Variants in DESI2 observed in about 807,000 individuals in gnomAD.
DESI2 encodes the protein deubiquitinase DESI2.
In DESI2, 10 loss-of-function variants were observed where a neutral mutation model predicts 24.1. The observed-to-expected ratio is 0.41, with a 90% CI of 0.26 to 0.70. DESI2 has a LOEUF of 0.70. Ranked by LOEUF, DESI2 falls within the 30% of genes least tolerant of loss-of-function variation. DESI2 has a pLI of 0.29. For synonymous variants in DESI2, 71 were observed against 87.7 expected (o/e 0.81, Z 1.06); for missense variants, 122 against 234.9 (o/e 0.52, Z 3.14).
intron 1 of DESI2, among the ~76,000 whole-genome samples, chr1:244,686,311 A>G (rs1361559906): frequency 6.6e-6 from 1 of 151,778 alleles, no homozygotes; most frequent in Non-Finnish European, 1.5e-5. Flanking sequence ...GAGCTCTTAT[A>G]TAATCTCTCC....
intron 4 of DESI2, among the ~76,000 whole-genome samples, chr1:244,693,195 C>T (rs537128748): frequency 2.7e-4 from 41 of 152,270 alleles, no homozygotes; most frequent in South Asian, 1.0e-3. Flanking sequence ...TCAGACTAGA[C>T]CGGACTTCTT....
rs779356864 is a variant in DESI2 at position 244,708,258 on chromosome 1, T to G, written c.*2469T>G. 39 of 152,660 alleles carry G rather than the reference T, an allele frequency of 2.6e-4. No individual in the cohort carries two copies. Among genetic ancestry groups the G allele is most frequent in the African/African-American group, 5.8e-4 (24 of 41,564 alleles). The allele number at this position is 152,660 out of a possible 1,614,324, so 9.5% of individuals were successfully genotyped here. Reference sequence around the variant, plus strand: ...ATGGTGGGTTGGACAGTAATACATGTTAGAGGGTCAGAAGCTTCTGGTTTC... The same window carrying G: ...ATGGTGGGTTGGACAGTAATACATGGTAGAGGGTCAGAAGCTTCTGGTTTC... On this transcript the variant is annotated 3_prime_UTR_variant, in exon 5 of 5. Coordinates refer to ENST00000302550, the MANE Select transcript of DESI2 (RefSeq NM_016076.5).
chr1:244,656,000 T>C (rs976721924), intron 1 of DESI2, among the ~76,000 whole-genome samples: 4 of 152,242 alleles, frequency 2.6e-5, no homozygotes, highest in Non-Finnish European at 5.9e-5. Flanking sequence ...TGGTCTGTTA[T>C]ACTAATTTTT....
At chr1:244,684,979 G>A (rs1035874026) in intron 1 of DESI2, among the ~76,000 whole-genome samples, 7 of 152,084 alleles carry the variant, frequency 4.6e-5, no homozygotes, top group African/African-American at 1.4e-4. Context: ...TGTAGCCTTC[G>A]TTTCCTAACT....
Position 244,701,002 on chromosome 1 carries a change from G to A in DESI2, c.352-4554G>A, listed in dbSNP as rs1303452384. 2.0e-5 allele frequency among the ~76,000 whole-genome samples: 3 copies of A among 152,290 alleles called. No individual in the cohort carries two copies. The East Asian group carries it at 5.8e-4, about 29-fold the overall frequency. On this transcript the variant is annotated intron_variant, in intron 4 of 4. Transcript: ENST00000302550. ...AGCTGAGGAGATTTCCAAGCAAAGT[G>A]TAGAAGGTGCAGCCTGCCTTGTTGC...
intron 4 of DESI2, among the ~76,000 whole-genome samples, chr1:244,704,104 A>G (rs1174299791): frequency 6.6e-6 from 1 of 152,248 alleles, no homozygotes; most frequent in Admixed American, 6.5e-5. Flanking sequence ...ACTATTTAAA[A>G]TAAATGTAAT....
chr1:244,704,865 G>C (rs1485472428), intron 4 of DESI2, among the ~76,000 whole-genome samples: 2 of 152,152 alleles, frequency 1.3e-5, no homozygotes, highest in Non-Finnish European at 2.9e-5. Flanking sequence ...TCACCATACT[G>C]GCCAGGCTGG....
chr1:244,686,377 C>G (rs568782247), intron 1 of DESI2, among the ~76,000 whole-genome samples: 1 of 151,974 alleles, frequency 6.6e-6, no homozygotes, highest in African/African-American at 2.4e-5. Context: ...CCCTAGAAGC[C>G]TTAGATAATG....
At chr1:244,695,741 C>G (rs952484729) in intron 4 of DESI2, among the ~76,000 whole-genome samples, 1 of 152,214 alleles carries the variant, frequency 6.6e-6, no homozygotes. Context: ...ATAACTGTAA[C>G]TTAGATACCA....
chr1:244,689,894 T>C lies in DESI2; in HGVS notation c.209+552T>C, dbSNP rs1335802254. ...TTTTATTGTGACCTACCTAGCAAATTAAAAATGTCTTTATTGTCCCAATGA... is the reference window on the plus strand; with the variant it reads ...TTTTATTGTGACCTACCTAGCAAATCAAAAATGTCTTTATTGTCCCAATGA... On this transcript the variant is annotated intron_variant, in intron 3 of 4. Coordinates refer to ENST00000302550, the MANE Select transcript of DESI2 (RefSeq NM_016076.5). The surrounding 1 kb of genome is among the most constrained non-coding windows in gnomAD (Gnocchi z 4.0). 6.6e-6 allele frequency among the ~76,000 whole-genome samples: 1 copy of C among 152,220 alleles called. No homozygotes were observed. Among genetic ancestry groups the C allele is most frequent in the African/African-American group, 2.4e-5 (1 of 41,462 alleles).
At chr1:244,657,519 G>A (rs1244274991) in intron 1 of DESI2, among the ~76,000 whole-genome samples, 3 of 152,144 alleles carry the variant, frequency 2.0e-5, no homozygotes, top group Non-Finnish European at 4.4e-5. Flanking sequence ...CAGTCAGCTG[G>A]CCCTGTCTCT....
At chr1:244,703,845 A>AGAT (rs1156927912) in intron 4 of DESI2, among the ~76,000 whole-genome samples, 8 of 152,020 alleles carry the variant, frequency 5.3e-5, no homozygotes, top group Non-Finnish European at 1.0e-4. Flanking sequence ...TGTTTAGTAG[A>AGAT]GATGGGGTTT....
intron 1 of DESI2, among the ~76,000 whole-genome samples, chr1:244,654,781 C>T (rs1675589220): frequency 6.6e-6 from 1 of 152,174 alleles, no homozygotes; most frequent in Admixed American, 6.5e-5. Context: ...TGCCCTTTTA[C>T]TTTCTCTGTG....
At chr1:244,667,205 C>T (rs1044619727) in intron 1 of DESI2, among the ~76,000 whole-genome samples, 1 of 151,714 alleles carries the variant, frequency 6.6e-6, no homozygotes, top group African/African-American at 2.4e-5. Context: ...GTCCACAGTC[C>T]AAAGTCTCAT....
chr1:244,663,334 GC>G (rs1218802679), intron 1 of DESI2, among the ~76,000 whole-genome samples: 1 of 151,860 alleles, frequency 6.6e-6, no homozygotes, highest in African/African-American at 2.4e-5. Flanking sequence ...CTGCCACCAC[GC>G]CCGGCTAATT....
chr1:244,682,081 A>C (rs1676635175), intron 1 of DESI2, among the ~76,000 whole-genome samples: 2 of 152,216 alleles, frequency 1.3e-5, no homozygotes, highest in Non-Finnish European at 2.9e-5. Flanking sequence ...GTTACAGCTC[A>C]TAAAGGTAGT....
chr1:244,666,443 T>G (rs888030198), intron 1 of DESI2, among the ~76,000 whole-genome samples: 1 of 152,352 alleles, frequency 6.6e-6, no homozygotes, highest in African/African-American at 2.4e-5. Flanking sequence ...ATGAATATGC[T>G]ATATTTTATA....
chr1:244,699,578 C>CAAAAAAAAAA (rs559295405), intron 4 of DESI2, among the ~76,000 whole-genome samples: 30 of 66,218 alleles, frequency 4.5e-4, no homozygotes, highest in African/African-American at 9.3e-4. Context: ...GAGACTGTCT[C>CAAAAAAAAAA]AAAAAAAAAA....
intron 1 of DESI2, among the ~76,000 whole-genome samples, chr1:244,667,887 T>G (rs1169463411): frequency 6.6e-6 from 1 of 152,246 alleles, no homozygotes; most frequent in Non-Finnish European, 1.5e-5. Flanking sequence ...TTGCTGGTGC[T>G]GAAGCGTAGT....
Sources: allele counts gnomAD v4.1 joint callset (sites outside exome capture counted in the v4.1 genomes callset), GRCh38; gene constraint gnomAD v4.1.1; non-coding constraint Gnocchi (gnomAD v3.1); transcripts MANE v1.5; gene names NCBI Gene and HGNC (gene_info 2026-07-23, HGNC 2026-07-21).